INPP5F: variants seen among roughly 807,000 people sequenced by gnomAD.
INPP5F encodes inositol polyphosphate-5-phosphatase F.
A neutral mutation model predicts 137.2 loss-of-function variants in INPP5F; 97 were observed. That is an observed-to-expected ratio of 0.71 (90% CI 0.60 to 0.84). The LOEUF is 0.84. Among genes scored for constraint, INPP5F ranks in the 40% least tolerant of loss-of-function variants. The pLI is 0.00. For synonymous variants in INPP5F, 504 were observed against 476.9 expected, an observed-to-expected ratio of 1.06 and a Z score of -0.74; for missense variants, 1,271 against 1,371.9, an observed-to-expected ratio of 0.93 and a Z score of 1.16.
At chr10:119,765,047 C>T (rs1271096812) in intron 2 of INPP5F, among the ~76,000 whole-genome samples, 2 of 152,054 alleles carry the variant, frequency 1.3e-5, no homozygotes, top group East Asian at 3.9e-4. Context: ...ATTCTCCTGC[C>T]TCAACCTCCC....
rs1564832609 is a variant in INPP5F, at chr10:119,791,606, G to A, written c.405G>A (p.Thr135=). The A allele has an allele frequency of 5.0e-6, 8 of 1,604,430 alleles. No homozygotes were observed. Among genetic ancestry groups the A allele is most frequent in the African/African-American group, 1.3e-5 (1 of 74,684 alleles). The change falls in exon 4 of 20, where the codon ACG becomes ACA. Residue 135 remains threonine, a synonymous_variant. Transcript: ENST00000650623. ...DDSKFLLKTF[T]HIKSNVSAPN... is the part of the protein sequence containing the mutation. ...CAAAGTTTCTACTGAAGACCTTTAC[G>A]CATATTAAATCCAATGTGTCTGCTC... is the stretch of plus-strand genomic sequence containing the variant.
At position 119,796,840 on chromosome 10, in the gene INPP5F, G is replaced by A. The variant is rs774091071; in HGVS notation, c.795G>A (p.Glu265=). Residue 265 remains glutamate, a synonymous_variant, in exon 7 of 20, where the codon GAG becomes GAA. Transcript: ENST00000650623. The stretch of plus-strand genomic sequence containing the variant: ...GCAGCCCAGAGACCCCCCCTCAGGA[G>A]TCCACCTGTGTAGATGATATTCACC... ...EKSSPETPPQ[E]STCVDDIHPR... 1 of 1,613,878 alleles carries A rather than the reference G, an allele frequency of 6.2e-7. No individual in the cohort carries two copies. The highest frequency in any genetic ancestry group is 8.5e-7 in the Non-Finnish European group (1 of 1,179,950).
At chr10:119,780,050 C>A (rs550562498) in intron 2 of INPP5F, among the ~76,000 whole-genome samples, 2 of 152,066 alleles carry the variant, frequency 1.3e-5, no homozygotes, top group African/African-American at 4.8e-5. Context: ...TAGGTTTATA[C>A]CAGAATCACA....
chr10:119,790,734 CAG>C (rs1850110916), intron 3 of INPP5F, among the ~76,000 whole-genome samples: 1 of 152,188 alleles, frequency 6.6e-6, no homozygotes, highest in Non-Finnish European at 1.5e-5. Context: ...ATATTGTTAA[CAG>C]AATTTGTGTG....
chr10:119,759,629 T>G (rs560552199), intron 2 of INPP5F, among the ~76,000 whole-genome samples: 1 of 152,254 alleles, frequency 6.6e-6, no homozygotes, highest in East Asian at 1.9e-4. Flanking sequence ...GTCCTGGGAT[T>G]ACAGGCATGA....
chr10:119,782,670 A>C (rs1245143001), intron 3 of INPP5F, among the ~76,000 whole-genome samples: 2 of 152,120 alleles, frequency 1.3e-5, no homozygotes, highest in African/African-American at 4.8e-5. Flanking sequence ...AAAATTAATG[A>C]GTGAATGGAT....
intron 3 of INPP5F, among the ~76,000 whole-genome samples, chr10:119,785,286 G>GTTGTTTTTTTTTTTTTTTTTTTTTT (rs770290302): frequency 7.5e-5 from 8 of 106,222 alleles, no homozygotes; most frequent in African/African-American, 3.0e-4. Context: ...CTGCCAGACT[G>GTTGTTTTTTTTTTTTTTTTTTTTTT]TTTTTTTTTT....
Position 119,791,883 on chromosome 10 carries a change from AGAG to A in INPP5F, c.460_462del (p.Glu154del). The A allele has an allele frequency of 1.9e-6, 3 of 1,606,154 alleles. No homozygotes were observed. Among genetic ancestry groups the A allele is most frequent in the Non-Finnish European group, 2.6e-6 (3 of 1,175,072 alleles). On this transcript the variant is annotated inframe_deletion, in exon 5 of 20. Coordinates refer to ENST00000650623, the MANE Select transcript of INPP5F (RefSeq NM_014937.4). Reference sequence around the variant, plus strand: ...ATTTCTTATAGGTTAAGGAAAGTAAAGAGAAGGAGAAGTTGGAGAGGAGATTAC... The same window carrying A: ...ATTTCTTATAGGTTAAGGAAAGTAAAAAGGAGAAGTTGGAGAGGAGATTAC...
chr10:119,785,132 C>T (rs1041661081), intron 3 of INPP5F, among the ~76,000 whole-genome samples: 2 of 151,256 alleles, frequency 1.3e-5, no homozygotes, highest in Admixed American at 6.6e-5. Flanking sequence ...GTTGTTTCCA[C>T]CTTTTAGCTA....
intron 14 of INPP5F, among the ~76,000 whole-genome samples, chr10:119,811,333 GGGAATGGGAT>G (rs1851020012): frequency 6.6e-6 from 1 of 152,210 alleles, no homozygotes; most frequent in East Asian, 1.9e-4. Context: ...TAACTCCATA[GGGAATGGGAT>G]TATAATGATT....
chr10:119,804,402 C>T, intron 10 of INPP5F, 105 bp downstream of exon 10: 1 of 979,812 alleles, frequency 1.0e-6, no homozygotes, highest in Non-Finnish European at 1.4e-6. Context: ...AAAATTTCTT[C>T]TCATTGTTGG....
intron 1 of INPP5F, among the ~76,000 whole-genome samples, chr10:119,734,901 C>A (rs934038808): frequency 6.8e-6 from 1 of 147,468 alleles, no homozygotes; most frequent in Non-Finnish European, 1.5e-5. Flanking sequence ...TGATGTAAGT[C>A]ATAATCATTA....
At chr10:119,796,354 A>G (rs1450389252) in intron 6 of INPP5F, among the ~76,000 whole-genome samples, 1 of 152,234 alleles carries the variant, frequency 6.6e-6, no homozygotes, top group East Asian at 1.9e-4. Context: ...TATGGCAGGC[A>G]CTGTGCTAAA....
intron 15 of INPP5F, chr10:119,819,648 C>A: frequency 2.6e-6 from 2 of 764,616 alleles, no homozygotes; most frequent in Non-Finnish European, 3.9e-6. Flanking sequence ...GGTTAATGCT[C>A]AGATTTTGGC....
At chr10:119,806,770 A>C (rs1032220452) in intron 12 of INPP5F, among the ~76,000 whole-genome samples, 2 of 148,484 alleles carry the variant, frequency 1.3e-5, no homozygotes, top group Admixed American at 6.7e-5. Flanking sequence ...CTCCAAGCCC[A>C]CCCTTCTGTG....
Position 119,827,605 on chromosome 10 carries a change from G to A in INPP5F, c.3224G>A (p.Arg1075Gln), listed in dbSNP as rs749321602. The change falls in exon 20 of 20, where the codon CGA (arginine) becomes CAA (glutamine). Residue 1075 changes from arginine (R) to glutamine (Q), a missense_variant. By Grantham distance (43) the Arg-to-Gln change is conservative (BLOSUM62 1). Transcript: ENST00000650623. ...SRAVSPFAKI[R>Q]SSMVQVASIT... ...GCAGTCTCTCCCTTTGCCAAGATTC[G>A]AAGTTCCATGGTCCAGGTTGCTAGT... The A allele has an allele frequency of 7.2e-5, 117 of 1,613,988 alleles. No homozygotes were observed. The highest frequency in any genetic ancestry group is 9.9e-5 in the Non-Finnish European group (117 of 1,180,018).
chr10:119,730,093 A>G (rs1385062038), intron 1 of INPP5F, among the ~76,000 whole-genome samples: 1 of 151,772 alleles, frequency 6.6e-6, no homozygotes, highest in Non-Finnish European at 1.5e-5. Context: ...GATAATGACT[A>G]CTACTTCTCT....
rs186282133 is a variant in INPP5F, at chr10:119,787,642, G to A, written c.316-3875G>A. On this transcript the variant is annotated intron_variant, in intron 3 of 19. Coordinates refer to ENST00000650623, the MANE Select transcript of INPP5F (RefSeq NM_014937.4). The surrounding 1 kb of genome is among the most constrained non-coding windows in gnomAD (Gnocchi z 4.1). ...GGAAAGGGAAGGGGGAGGGGAAGGG[G>A]AGGAGGAAGGGAGGAAGGCAGGCAG... Among the ~76,000 whole-genome samples the A allele has an allele frequency of 1.4e-3, 215 of 151,468 alleles. No homozygotes were observed. The highest frequency in any genetic ancestry group is 5.1e-3 in the African/African-American group (208 of 41,162).
chr10:119,775,098 A>G (rs1236188497), intron 2 of INPP5F, among the ~76,000 whole-genome samples: 1 of 152,136 alleles, frequency 6.6e-6, no homozygotes, highest in East Asian at 1.9e-4. Flanking sequence ...GGAAAATGGT[A>G]TGATGATAGG....
Sources: allele counts gnomAD v4.1 joint callset (sites outside exome capture counted in the v4.1 genomes callset), GRCh38; gene constraint gnomAD v4.1.1; non-coding constraint Gnocchi (gnomAD v3.1); transcripts MANE v1.5; gene names NCBI Gene and HGNC (gene_info 2026-07-23, HGNC 2026-07-21).